The following CSMD1 variants were observed in gnomAD, a reference collection of about 807,000 sequenced individuals.
The protein encoded by CSMD1 is CUB and Sushi multiple domains 1, also known as CUB and sushi domain-containing protein 1.
CSMD1 carries 213 observed loss-of-function variants against 417.5 expected under a neutral mutation model. The observed-to-expected ratio is 0.51, with a 90% CI of 0.46 to 0.57. The LOEUF is 0.57. Among genes scored for constraint, CSMD1 ranks in the 20% least tolerant of loss-of-function variants. The pLI, the probability that CSMD1 is intolerant of heterozygous loss-of-function variation, is 0.00. For missense variants in CSMD1, 6,923 were observed against 4,529.7 expected (o/e 1.53, Z -15.17); for synonymous variants, 2,862 against 1,736.8 (o/e 1.65, Z -16.11).
At chr8:4,399,332 T>C (rs557752091) in intron 3 of CSMD1, among the ~76,000 whole-genome samples, 26 of 152,172 alleles carry the variant, frequency 1.7e-4, no homozygotes, top group Non-Finnish European at 3.4e-4. Flanking sequence ...ATTTAAACAA[T>C]ACACCATATA....
intron 2 of CSMD1, among the ~76,000 whole-genome samples, chr8:4,444,660 A>G (rs556562053): frequency 9.8e-5 from 15 of 152,292 alleles, no homozygotes; most frequent in South Asian, 4.1e-4. Flanking sequence ...GCATGATTGT[A>G]ATTGTGATGA....
chr8:3,375,262 T>A (rs1417144328), intron 18 of CSMD1: 1 of 152,206 alleles, frequency 6.6e-6, no homozygotes, highest in African/African-American at 2.4e-5. Flanking sequence ...TACTCCCCAC[T>A]ATTGCTTTCT....
intron 52 of CSMD1, among the ~76,000 whole-genome samples, chr8:3,014,759 T>A (rs76592815): frequency 0.028 from 4,309 of 152,056 alleles, 85 homozygotes; most frequent in Non-Finnish European, 0.04. Flanking sequence ...CAAAACAAAT[T>A]GTAAATAGTT....
intron 11 of CSMD1, among the ~76,000 whole-genome samples, chr8:3,479,959 A>G (rs1817641471): frequency 6.6e-6 from 1 of 152,236 alleles, no homozygotes; most frequent in Non-Finnish European, 1.5e-5. Flanking sequence ...AACTAAAAAT[A>G]GCTAGATTTG....
intron 3 of CSMD1, among the ~76,000 whole-genome samples, chr8:4,113,808 A>C (rs1768014771): frequency 6.6e-6 from 1 of 152,218 alleles, no homozygotes; most frequent in Admixed American, 6.5e-5. Context: ...AACCAGCTAC[A>C]ACATTCCCTT....
intron 12 of CSMD1, among the ~76,000 whole-genome samples, chr8:3,447,752 C>T (rs531239228): frequency 5.3e-5 from 8 of 152,174 alleles, no homozygotes; most frequent in African/African-American, 1.9e-4. Flanking sequence ...AGTGGCCAGT[C>T]AGGTTCTCCG....
chr8:4,127,027 C>T (rs1020524275), intron 3 of CSMD1, among the ~76,000 whole-genome samples: 2 of 152,134 alleles, frequency 1.3e-5, no homozygotes, highest in Non-Finnish European at 2.9e-5. Context: ...TATATATACC[C>T]TGGCCTCCAA....
At chr8:3,895,073 A>G (rs1247837666) in intron 5 of CSMD1, among the ~76,000 whole-genome samples, 1 of 152,214 alleles carries the variant, frequency 6.6e-6, no homozygotes, top group Non-Finnish European at 1.5e-5. Context: ...GCCAGTGGTC[A>G]TTATAATTAA....
At chr8:4,848,439 C>G (rs1243187030) in intron 1 of CSMD1, among the ~76,000 whole-genome samples, 1 of 152,128 alleles carries the variant, frequency 6.6e-6, no homozygotes, top group Non-Finnish European at 1.5e-5. Context: ...CATTGTAACG[C>G]AGTGCATTAC....
At chr8:4,615,915 G>T (rs917822499) in intron 2 of CSMD1, among the ~76,000 whole-genome samples, 1 of 151,686 alleles carries the variant, frequency 6.6e-6, no homozygotes, top group Non-Finnish European at 1.5e-5. Flanking sequence ...CTATTTGTTT[G>T]TACAGTGCCC....
At chr8:3,507,031 A>G (rs1164065800) in intron 10 of CSMD1, among the ~76,000 whole-genome samples, 1 of 152,184 alleles carries the variant, frequency 6.6e-6, no homozygotes, top group East Asian at 1.9e-4. Flanking sequence ...GAATTGAACA[A>G]ACGTATATAC....
chr8:3,822,920 G>A (rs138949504), intron 5 of CSMD1, among the ~76,000 whole-genome samples: 1 of 152,282 alleles, frequency 6.6e-6, no homozygotes, highest in East Asian at 1.9e-4. Context: ...GCTAAGTAAA[G>A]ACTGTTTGGT....
intron 64 of CSMD1, 50 bp downstream of exon 64, chr8:2,955,539 C>T (rs556200785): frequency 7.6e-6 from 12 of 1,587,410 alleles, no homozygotes; most frequent in South Asian, 5.7e-5. Context: ...GCAGCTGATC[C>T]TTTCCCTTGC....
At chr8:4,204,663 G>A (rs752254753) in intron 3 of CSMD1, among the ~76,000 whole-genome samples, 1 of 151,972 alleles carries the variant, frequency 6.6e-6, no homozygotes, top group South Asian at 2.1e-4. Flanking sequence ...ATTATTATTA[G>A]TAGTATTTTG....
At chr8:4,112,255 G>T (rs1275164961) in intron 3 of CSMD1, among the ~76,000 whole-genome samples, 3 of 152,076 alleles carry the variant, frequency 2.0e-5, no homozygotes, top group Admixed American at 2.0e-4. Flanking sequence ...TTCTTAGAAG[G>T]CATCAATGAA....
In CSMD1 at chr8:3,018,615, C is replaced by T. The variant is rs1373693486; in HGVS notation, c.7891G>A (p.Gly2631Ser). The T allele has an allele frequency of 8.1e-6, 13 of 1,612,320 alleles. No homozygotes were observed. Among genetic ancestry groups the T allele is most frequent in the Non-Finnish European group, 1.0e-5 (12 of 1,179,208 alleles). ...ACTGTCAACGTTCCAATCTTGTTGC[C>T]ATTTGGGGGAAAGGAAAGGCTTCCA... Reference protein sequence around the residue: ...SCGSLSFPPNGNKIGTLTVYG... With the variant: ...SCGSLSFPPNSNKIGTLTVYG... The change falls in exon 52 of 70, where the codon GGC becomes AGC. Residue 2631 changes from glycine (G) to serine (S), a missense_variant. Transcript: ENST00000635120.
chr8:3,194,508 A>T (rs1031521706), intron 33 of CSMD1, among the ~76,000 whole-genome samples: 36 of 150,744 alleles, frequency 2.4e-4, no homozygotes, highest in Non-Finnish European at 3.7e-4. Context: ...CCCAGGCTGG[A>T]GTACAGTGGT....
At chr8:3,015,918 A>G (rs562495926) in intron 52 of CSMD1, among the ~76,000 whole-genome samples, 1 of 152,144 alleles carries the variant, frequency 6.6e-6, no homozygotes, top group Non-Finnish European at 1.5e-5. Context: ...AGACCCTTGC[A>G]CCTGCCCCTT....
chr8:3,558,836 T>C (rs989496378), intron 10 of CSMD1, among the ~76,000 whole-genome samples: 1 of 149,248 alleles, frequency 6.7e-6, no homozygotes, highest in African/African-American at 2.6e-5. Context: ...CCTCCAATGA[T>C]GAATGGTGTC....
Sources: gnomAD v4.1 joint callset for allele counts (sites outside exome capture counted in the v4.1 genomes callset) on GRCh38, gnomAD v4.1.1 for gene constraint, MANE v1.5 for transcripts, NCBI Gene and HGNC (gene_info 2026-07-23, HGNC 2026-07-21) for gene names.